Variants in UNC79 observed in about 807,000 individuals in gnomAD.
UNC79 encodes the protein unc-79 subunit of NALCN channel complex.
In UNC79, 37 loss-of-function variants were observed where a neutral mutation model predicts 283.1. That is an observed-to-expected ratio of 0.13 (90% CI 0.10 to 0.17). The LOEUF (loss-of-function observed/expected upper bound fraction) is 0.17, where lower values mean the gene tolerates loss of function less well. Ranked by LOEUF, UNC79 falls within the 10% of genes least tolerant of loss-of-function variation. The pLI is 1.00. For missense variants in UNC79, 2,272 were observed against 3,211.1 expected (o/e 0.71, Z 7.07); for synonymous variants, 1,107 against 1,200.2 (o/e 0.92, Z 1.61).
At chr14:93,431,135 T>A in intron 1 of UNC79, 84 bp downstream of exon 1, 1 of 430,274 alleles carries the variant, frequency 2.3e-6, no homozygotes, top group Non-Finnish European at 4.5e-6. Flanking sequence ...CTGGGAGACC[T>A]TGGCATTGTG....
At position 93,413,107 on chromosome 14, in the gene UNC79, T is replaced by C. The variant is rs538070566; in HGVS notation, c.-350-54564T>C. The stretch of plus-strand genomic sequence containing the variant: ...TGCAGGTTAGTTACATATGTATACA[T>C]GTGCCATGCTGGTGTGCTGCACCCG... On this transcript the variant is annotated intron_variant, in intron 1 of 49. Transcript: ENST00000256339. Among the ~76,000 whole-genome samples, 4 of 152,176 alleles carry C rather than the reference T, an allele frequency of 2.6e-5. No homozygotes were observed. The East Asian group carries it at 5.8e-4, about 22-fold the overall frequency.
chr14:93,524,116 C>T (rs1334236096), intron 8 of UNC79, 74 bp downstream of exon 8: 1 of 1,509,872 alleles, frequency 6.6e-7, no homozygotes, highest in African/African-American at 1.4e-5. Flanking sequence ...GAGTAGATTG[C>T]ATCCTTCTCT....
chr14:93,417,535 G>A (rs574172609), intron 1 of UNC79, among the ~76,000 whole-genome samples: 164 of 152,166 alleles, frequency 1.1e-3, no homozygotes, highest in African/African-American at 2.1e-3. Context: ...TCTTTGTGGC[G>A]TTCTCTGTAT....
At chr14:93,368,318 T>C (rs2054373621) in intron 1 of UNC79, among the ~76,000 whole-genome samples, 1 of 152,180 alleles carries the variant, frequency 6.6e-6, no homozygotes, top group South Asian at 2.1e-4. Flanking sequence ...TTTAAAAATC[T>C]AAAGATATGT....
intron 1 of UNC79, among the ~76,000 whole-genome samples, chr14:93,404,275 A>T (rs1022267930): frequency 6.6e-6 from 1 of 150,680 alleles, no homozygotes; most frequent in Admixed American, 6.7e-5. Flanking sequence ...CAAACATTTC[A>T]TTTAAAAAAT....
chr14:93,589,395 T>C (rs921625302), intron 22 of UNC79, among the ~76,000 whole-genome samples: 1 of 150,978 alleles, frequency 6.6e-6, no homozygotes, highest in African/African-American at 2.4e-5. Flanking sequence ...GAGAAGAGTA[T>C]GGAAAAGAGG....
chr14:93,634,584 G>C (rs770522803), intron 31 of UNC79: 1 of 1,614,100 alleles, frequency 6.2e-7, no homozygotes, highest in Non-Finnish European at 8.5e-7. Flanking sequence ...TTAATGAAGC[G>C]GCAGCTGGAG....
intron 47 of UNC79, among the ~76,000 whole-genome samples, chr14:93,696,980 T>A (rs1257752366): frequency 6.6e-6 from 1 of 151,908 alleles, no homozygotes; most frequent in Non-Finnish European, 1.5e-5. Context: ...GGTACCTTTT[T>A]TGTATATGGA....
At chr14:93,499,209 A>G (rs2059169636) in intron 7 of UNC79, among the ~76,000 whole-genome samples, 1 of 152,210 alleles carries the variant, frequency 6.6e-6, no homozygotes. Context: ...GGGAATTGGT[A>G]TCATAGGTGC....
At chr14:93,395,471 G>A (rs1399073509) in intron 1 of UNC79, among the ~76,000 whole-genome samples, 1 of 152,138 alleles carries the variant, frequency 6.6e-6, no homozygotes, top group Non-Finnish European at 1.5e-5. Flanking sequence ...AGAGCAAAGA[G>A]GGAAATGTTA....
intron 1 of UNC79, among the ~76,000 whole-genome samples, chr14:93,353,101 T>G (rs1402462007): frequency 6.6e-6 from 1 of 152,238 alleles, no homozygotes; most frequent in Non-Finnish European, 1.5e-5. Flanking sequence ...CACCTTGACT[T>G]GACATCACTG....
chr14:93,443,704 T>G (rs1276476103), intron 1 of UNC79, among the ~76,000 whole-genome samples: 9 of 152,252 alleles, frequency 5.9e-5, no homozygotes, highest in Non-Finnish European at 1.3e-4. Context: ...ATTACAGGCA[T>G]GAGCCACGGC....
chr14:93,657,461 C>T (rs1445207256), intron 38 of UNC79, among the ~76,000 whole-genome samples: 2 of 151,850 alleles, frequency 1.3e-5, no homozygotes, highest in African/African-American at 4.8e-5. Flanking sequence ...ACGCCATTCT[C>T]CTGCCTCAGC....
chr14:93,513,334 A>G (rs1207931679), intron 7 of UNC79, among the ~76,000 whole-genome samples: 1 of 151,310 alleles, frequency 6.6e-6, no homozygotes, highest in Non-Finnish European at 1.5e-5. Context: ...TGATCTTCCC[A>G]CCTCAGCCTC....
chr14:93,377,110 T>G (rs1411255633), intron 1 of UNC79, among the ~76,000 whole-genome samples: 4 of 146,756 alleles, frequency 2.7e-5, no homozygotes, highest in Non-Finnish European at 6.0e-5. Context: ...TTTTTTTTTT[T>G]TTTTTTGAGA....
At chr14:93,533,915 C>T (rs890724686) in intron 11 of UNC79, among the ~76,000 whole-genome samples, 2 of 152,196 alleles carry the variant, frequency 1.3e-5, no homozygotes, top group African/African-American at 4.8e-5. Flanking sequence ...TTTATGGCTT[C>T]AGGCTTAAAG....
intron 1 of UNC79, among the ~76,000 whole-genome samples, chr14:93,414,761 T>A (rs928919792): frequency 3.3e-5 from 5 of 152,310 alleles, no homozygotes; most frequent in African/African-American, 1.2e-4. Context: ...GTAAGTTGGA[T>A]CCCTAGGTAT....
intron 26 of UNC79, among the ~76,000 whole-genome samples, chr14:93,607,108 C>T (rs1374847425): frequency 2.6e-5 from 4 of 152,014 alleles, no homozygotes; most frequent in South Asian, 4.2e-4. Flanking sequence ...TATGATTAGA[C>T]GTAAGGAGTA....
chr14:93,528,570 C>T, exon 9 of UNC79: 1 of 1,613,698 alleles, frequency 6.2e-7, no homozygotes, highest in Non-Finnish European at 8.5e-7. Context: ...GTGTATAGAC[C>T]CTTCCCTGTC....
Sources: allele counts gnomAD v4.1 joint callset (sites outside exome capture counted in the v4.1 genomes callset), GRCh38; gene constraint gnomAD v4.1.1; transcripts MANE v1.5; gene names NCBI Gene and HGNC (gene_info 2026-07-23, HGNC 2026-07-21).